SLC35D2: variants seen among roughly 807,000 people sequenced by gnomAD.
SLC35D2 encodes solute carrier family 35 member D2.
A neutral mutation model predicts 41.8 loss-of-function variants in SLC35D2; 43 were observed. The observed-to-expected ratio is 1.03, with a 90% CI of 0.81 to 1.33. SLC35D2 has a LOEUF of 1.33. Ranked by LOEUF, SLC35D2 falls within the 40% of genes most tolerant of loss-of-function variation. The pLI is 0.00. For synonymous variants in SLC35D2, 150 were observed against 163.9 expected (o/e 0.92, Z 0.65); for missense variants, 380 against 408.4 (o/e 0.93, Z 0.60).
At chr9:96,325,760 G>T (rs1250989319) in intron 9 of SLC35D2, among the ~76,000 whole-genome samples, 1 of 152,162 alleles carries the variant, frequency 6.6e-6, no homozygotes, top group African/African-American at 2.4e-5. Context: ...CTCTAGCAAA[G>T]GGGTTAGTGC....
At chr9:96,339,192 C>T (rs1487838390) in intron 8 of SLC35D2, among the ~76,000 whole-genome samples, 1 of 152,072 alleles carries the variant, frequency 6.6e-6, no homozygotes, top group Non-Finnish European at 1.5e-5. Flanking sequence ...CTCACTGCAA[C>T]CTCCACCTCT....
At chr9:96,357,983 T>C (rs1055574457) in intron 4 of SLC35D2, among the ~76,000 whole-genome samples, 2 of 151,230 alleles carry the variant, frequency 1.3e-5, no homozygotes, top group African/African-American at 4.9e-5. Flanking sequence ...AGGCTGCAAG[T>C]GAGCTGTGAT....
chr9:96,363,962 T>G (rs1564119486), intron 3 of SLC35D2, among the ~76,000 whole-genome samples: 1 of 152,222 alleles, frequency 6.6e-6, no homozygotes, highest in Non-Finnish European at 1.5e-5. Context: ...GTTAAGCACA[T>G]ACTTTTACTA....
intron 1 of SLC35D2, among the ~76,000 whole-genome samples, chr9:96,374,591 T>C (rs1830854735): frequency 6.7e-6 from 1 of 150,206 alleles, no homozygotes; most frequent in African/African-American, 2.5e-5. Context: ...TCCCAGCACT[T>C]TGGGAGGACG....
chr9:96,379,463 C>G (rs1258219685), intron 1 of SLC35D2, among the ~76,000 whole-genome samples: 3 of 152,188 alleles, frequency 2.0e-5, no homozygotes, highest in Admixed American at 2.0e-4. Flanking sequence ...ATAAAACTAA[C>G]AAATCACTAA....
intron 1 of SLC35D2, among the ~76,000 whole-genome samples, chr9:96,382,492 C>CT (rs1238678610): frequency 9.0e-5 from 13 of 144,276 alleles, no homozygotes; most frequent in Admixed American, 2.8e-4. Context: ...CACACACACA[C>CT]ACACTATATA....
chr9:96,328,028 T>G (rs868215504), intron 9 of SLC35D2, among the ~76,000 whole-genome samples: 1 of 152,094 alleles, frequency 6.6e-6, no homozygotes, highest in Non-Finnish European at 1.5e-5. Context: ...TATTTCTATA[T>G]GCAAAAAAAA....
chr9:96,358,776 G>T (rs1022854029), intron 4 of SLC35D2, among the ~76,000 whole-genome samples: 12 of 151,942 alleles, frequency 7.9e-5, no homozygotes, highest in Admixed American at 7.2e-4. Context: ...ATTACTTGAG[G>T]TCAGGAGTTC....
chr9:96,315,635 A>G (rs1828034595), intron 11 of SLC35D2, among the ~76,000 whole-genome samples: 1 of 151,898 alleles, frequency 6.6e-6, no homozygotes, highest in Non-Finnish European at 1.5e-5. Flanking sequence ...GGGTTTCACC[A>G]TGTTAGCCGG....
At chr9:96,330,304 C>A (rs952744945) in intron 9 of SLC35D2, among the ~76,000 whole-genome samples, 2 of 152,206 alleles carry the variant, frequency 1.3e-5, no homozygotes, top group African/African-American at 4.8e-5. Flanking sequence ...TGTGGAAACC[C>A]CCACACATAT....
At chr9:96,354,384 A>C (rs1178856766) in intron 4 of SLC35D2, among the ~76,000 whole-genome samples, 2 of 152,210 alleles carry the variant, frequency 1.3e-5, no homozygotes, top group Non-Finnish European at 2.9e-5. Flanking sequence ...AATTATTAGA[A>C]CCACAATAAG....
At position 96,343,995 on chromosome 9, in the gene SLC35D2, T is replaced by C. The variant is rs1247890607; in HGVS notation, c.593A>G (p.Glu198Gly). The part of the protein sequence containing the change: ...VYTKQKMDPK[E>G]LGKYGVLFYN... ...GAAAAGTACTCCGTATTTCCCTAGC[T>C]CCTGCAAAAACAAAAATGTAAAAAC... The change falls in exon 8 of 12, where the codon GAG (glutamate) becomes GGG (glycine). Residue 198 changes from glutamate (E) to glycine (G), a missense_variant and splice_region_variant. Physicochemically the swap from Glu to Gly is moderately conservative, Grantham distance 98. Transcript: ENST00000253270. The C allele has an allele frequency of 1.0e-5, 16 of 1,579,880 alleles. No individual in the cohort carries two copies. Among genetic ancestry groups the C allele is most frequent in the Non-Finnish European group, 1.4e-5 (16 of 1,167,834 alleles).
At chr9:96,333,442 CA>C (rs1199062761) in intron 9 of SLC35D2, among the ~76,000 whole-genome samples, 1 of 150,806 alleles carries the variant, frequency 6.6e-6, no homozygotes, top group East Asian at 2.0e-4. Flanking sequence ...TAAAAAAATA[CA>C]AAAAAATTAG....
At chr9:96,326,994 A>C (rs1043918459) in intron 9 of SLC35D2, among the ~76,000 whole-genome samples, 5 of 152,152 alleles carry the variant, frequency 3.3e-5, no homozygotes, top group Non-Finnish European at 7.4e-5. Context: ...GGACCATCCC[A>C]TCCACAGCAC....
At chr9:96,344,566 T>TTA (rs1185768101) in intron 7 of SLC35D2, among the ~76,000 whole-genome samples, 1 of 57,294 alleles carries the variant, frequency 1.7e-5, no homozygotes, top group Non-Finnish European at 3.2e-5. Context: ...ACAGAGCAGA[T>TTA]AAAAAAAAAA....
chr9:96,356,560 G>A (rs1830034474), intron 4 of SLC35D2, among the ~76,000 whole-genome samples: 1 of 145,352 alleles, frequency 6.9e-6, no homozygotes. Flanking sequence ...AGCTAGTACT[G>A]GTTTAAAGAT....
chr9:96,356,390 T>C (rs1344614865), intron 4 of SLC35D2, among the ~76,000 whole-genome samples: 28 of 150,418 alleles, frequency 1.9e-4, no homozygotes, highest in Non-Finnish European at 5.9e-5. Context: ...TTCTTTTTTT[T>C]TTTTTTTTTT....
intron 4 of SLC35D2, among the ~76,000 whole-genome samples, chr9:96,352,471 G>A (rs1188967448): frequency 6.6e-6 from 1 of 151,852 alleles, no homozygotes; most frequent in Non-Finnish European, 1.5e-5. Flanking sequence ...ACAGGCATGC[G>A]CCACAACACC....
At chr9:96,375,376 G>A (rs1013024258) in intron 1 of SLC35D2, among the ~76,000 whole-genome samples, 6 of 150,708 alleles carry the variant, frequency 4.0e-5, no homozygotes, top group South Asian at 2.1e-4. Context: ...TCAGGAGTTC[G>A]AAACCAGACT....
Sources: gnomAD v4.1 joint callset for allele counts (sites outside exome capture counted in the v4.1 genomes callset) on GRCh38, gnomAD v4.1.1 for gene constraint, MANE v1.5 for transcripts, NCBI Gene and HGNC (gene_info 2026-07-23, HGNC 2026-07-21) for gene names.